Variants in TBCB observed in about 807,000 individuals in gnomAD.
TBCB encodes tubulin-folding cofactor B.
TBCB carries 18 observed loss-of-function variants against 29.2 expected under a neutral mutation model. That is an observed-to-expected ratio of 0.62 (90% CI 0.43 to 0.91). The LOEUF (loss-of-function observed/expected upper bound fraction) is 0.91. Ranked by LOEUF, TBCB falls within the 40% of genes least tolerant of loss-of-function variation. TBCB has a pLI of 0.00. For synonymous variants in TBCB, 172 were observed against 137.8 expected (o/e 1.25, Z -1.74); for missense variants, 336 against 337.6 (o/e 1.00, Z 0.04).
intron 2 of TBCB, among the ~76,000 whole-genome samples, chr19:36,118,891 G>C (rs1328317290): frequency 1.3e-5 from 2 of 152,102 alleles, no homozygotes; most frequent in Non-Finnish European, 2.9e-5. Flanking sequence ...GGAACAGGTG[G>C]TGGAGGACAG....
chr19:36,120,815 A>C lies in TBCB; in HGVS notation c.355+9A>C. 1 of 1,613,804 alleles carries C rather than the reference A, an allele frequency of 6.2e-7. No homozygotes were observed. The highest frequency in any genetic ancestry group is 8.5e-7 in the Non-Finnish European group (1 of 1,179,874). On this transcript the variant is annotated intron_variant, in intron 3 of 5. Transcript: ENST00000221855. ...CTACGACCAGAGGCAAGGTACGGGC[A>C]GGTGGGCGTCGAGGGGTGCGTGGGG...
upstream of TBCB, chr19:36,114,971 ACG>A: frequency 9.1e-7 from 1 of 1,094,582 alleles, no homozygotes; most frequent in Non-Finnish European, 1.3e-6. This position sits in a 1 kb window ranked among gnomAD's most constrained non-coding sequence, Gnocchi z 4.5. Context: ...AGCTGCGCAC[ACG>A]TGCTGGCTCC....
chr19:36,125,596 G>C, intron 5 of TBCB, 72 bp from the exon 6 acceptor site: 1 of 1,610,140 alleles, frequency 6.2e-7, no homozygotes, highest in Non-Finnish European at 8.5e-7. Flanking sequence ...TTGCTGAGCT[G>C]CCCATGCCAG....
Position 36,121,549 on chromosome 19 carries a change from G to C in TBCB, c.378G>C (p.Lys126Asn). Residue 126 changes from lysine to asparagine, a missense_variant, in exon 4 of 6, where the codon AAG becomes AAC. Coordinates refer to ENST00000221855, the MANE Select transcript of TBCB (RefSeq NM_001281.3). Reference protein sequence around the residue: ...QRQDTVRSFLKRSKLGRYNEE... With the variant: ...QRQDTVRSFLNRSKLGRYNEE... Reference sequence around the variant, plus strand: ...CAGACACGGTCCGCTCTTTCCTGAAGCGCAGCAAGCTCGGCCGGTACAACG... The same window carrying C: ...CAGACACGGTCCGCTCTTTCCTGAACCGCAGCAAGCTCGGCCGGTACAACG... The C allele has an allele frequency of 1.9e-6, 3 of 1,560,608 alleles. No homozygotes were observed. Among genetic ancestry groups the C allele is most frequent in the Non-Finnish European group, 2.6e-6 (3 of 1,154,474 alleles).
intron 2 of TBCB, among the ~76,000 whole-genome samples, chr19:36,117,252 T>G (rs188936111): frequency 1.5e-3 from 228 of 152,330 alleles, no homozygotes; most frequent in African/African-American, 5.3e-3. Context: ...TCGAGTGCCC[T>G]GAGGGTGGAA....
chr19:36,115,257 A>G, upstream of TBCB: 2 of 520,820 alleles, frequency 3.8e-6, no homozygotes, highest in South Asian at 2.6e-5. Context: ...TGCCACTCCT[A>G]CCTCCGGGCT....
intron 4 of TBCB, among the ~76,000 whole-genome samples, chr19:36,123,926 C>T (rs1974097821): frequency 1.3e-5 from 2 of 152,126 alleles, no homozygotes; most frequent in South Asian, 4.1e-4. Flanking sequence ...TTTCTCTGTG[C>T]CTAGGAGTGG....
chr19:36,120,749 G>T lies in TBCB; in HGVS notation c.298G>T (p.Asp100Tyr). 1 of 1,614,066 alleles carries T rather than the reference G, an allele frequency of 6.2e-7. No homozygotes were observed. Among genetic ancestry groups the T allele is most frequent in the Non-Finnish European group, 8.5e-7 (1 of 1,180,016 alleles). The change falls in exon 3 of 6, where the codon GAC (aspartate) becomes TAC (tyrosine). Residue 100 changes from aspartate (D) to tyrosine (Y), a missense_variant. Coordinates refer to ENST00000221855, the MANE Select transcript of TBCB (RefSeq NM_001281.3). ...TGGCGCCCGCCTTGGTGAGTATGAG[G>T]ACGTGTCCCGGGTGGAGAAGTACAC... ...HSGARLGEYE[D>Y]VSRVEKYTIS...
In TBCB at chr19:36,115,663, G is replaced by T; in HGVS notation, c.103G>T (p.Ala35Ser). ...GCGATACAGCCGCAGCCTCACCATC[G>T]CTGAGTTCAAGGTGTGGCCATGGGG... ...EKRYSRSLTI[A>S]EFKCKLELLV... Residue 35 changes from alanine (A) to serine (S), a missense_variant, in exon 1 of 6, where the codon GCT (alanine) becomes TCT (serine). Physicochemically the swap from Ala to Ser is moderately conservative, Grantham distance 99. Coordinates refer to ENST00000221855, the MANE Select transcript of TBCB (RefSeq NM_001281.3). The T allele has an allele frequency of 6.2e-7, 1 of 1,601,706 alleles. No homozygotes were observed.
At position 36,120,781 on chromosome 19, in the gene TBCB, A is replaced by G. The variant is rs1269199950; in HGVS notation, c.330A>G (p.Ser110=). The G allele has an allele frequency of 1.2e-6, 2 of 1,611,368 alleles. No individual in the cohort carries two copies. Among genetic ancestry groups the G allele is most frequent in the East Asian group, 4.5e-5 (2 of 44,806 alleles). The change falls in exon 3 of 6, where the codon TCA becomes TCG. Residue 110 remains serine, a synonymous_variant. Transcript: ENST00000221855. ...CCCGGGTGGAGAAGTACACGATCTC[A>G]CAAGAAGCCTACGACCAGAGGCAAG... ...DVSRVEKYTI[S]QEAYDQRQDT...
At chr19:36,120,319 A>G (rs1256653381) in intron 2 of TBCB, among the ~76,000 whole-genome samples, 1 of 152,130 alleles carries the variant, frequency 6.6e-6, no homozygotes, top group Non-Finnish European at 1.5e-5. Flanking sequence ...ACAGGAAGAG[A>G]TGCTCTGGGG....
At position 36,116,040 on chromosome 19, in the gene TBCB, G is replaced by C; in HGVS notation, c.115-1G>C. The C allele has an allele frequency of 6.2e-7, 1 of 1,613,876 alleles. No individual in the cohort carries two copies. Among genetic ancestry groups the C allele is most frequent in the Non-Finnish European group, 8.5e-7 (1 of 1,179,766 alleles). On this transcript the variant is annotated splice_acceptor_variant, in intron 1 of 5. Coordinates refer to ENST00000221855, the MANE Select transcript of TBCB (RefSeq NM_001281.3). LOFTEE classifies it high-confidence loss of function. ...CTTCTCACCCTGCCTCCTCCTCACA[G>C]TGTAAACTGGAGTTGCTGGTGGGCA...
chr19:36,125,303 A>G, intron 4 of TBCB, 148 bp from the exon 5 acceptor site: 1 of 815,564 alleles, frequency 1.2e-6, no homozygotes, highest in Non-Finnish European at 2.0e-6. Context: ...AGGTGGTCCT[A>G]GTGGTAGCAA....
intron 2 of TBCB, among the ~76,000 whole-genome samples, chr19:36,120,012 G>A (rs937685267): frequency 9.9e-5 from 15 of 151,814 alleles, no homozygotes; most frequent in Non-Finnish European, 1.9e-4. Context: ...TTCTACCTCT[G>A]GCCGTCTGCA....
chr19:36,118,792 C>G (rs1429524001), intron 2 of TBCB: 1 of 151,960 alleles, frequency 6.6e-6, no homozygotes, highest in Non-Finnish European at 1.5e-5. Flanking sequence ...GGGATTAAGA[C>G]AGGCCACTTC....
Position 36,120,873 on chromosome 19 carries a change from G to A in TBCB, c.355+67G>A, listed in dbSNP as rs1974036280. On this transcript the variant is annotated intron_variant, in intron 3 of 5. Coordinates refer to ENST00000221855, the MANE Select transcript of TBCB (RefSeq NM_001281.3). ...GGAGTATGTGCAGGTATGAGGGCGG[G>A]CAGGTTAGACAGGGCCCCTGCAGGG... 2.6e-6 allele frequency: 4 copies of A among 1,525,732 alleles called. No homozygotes were observed. In the Admixed American group the frequency reaches 5.3e-5, roughly 20 times the overall value. The allele number at this position is 1,525,732 out of a possible 1,614,324, so 94.5% of individuals were successfully genotyped here. A position where few individuals can be genotyped will look rare whatever the true frequency, so the allele number is the denominator to read the frequency against.
chr19:36,123,079 A>C (rs909966273), intron 4 of TBCB, among the ~76,000 whole-genome samples: 1 of 152,080 alleles, frequency 6.6e-6, no homozygotes. Flanking sequence ...GGCGCCTTCC[A>C]CTGAGCAGAA....
rs370183718 is a variant in TBCB at position 36,125,677 on chromosome 19, G to A, written c.630G>A (p.Gly210=). 1.9e-5 allele frequency: 30 copies of A among 1,581,076 alleles called. No homozygotes were observed. The African/African-American group carries it at 3.9e-4, about 21-fold the overall frequency. ...CTATCCTTTCCTGCAGTGTGAATGG[G>A]AAACGCTACTTCGAATGCCAGGCCA... ...PLGKNDGSVN[G]KRYFECQAKY... Residue 210 remains glycine, a synonymous_variant, in exon 6 of 6, where the codon GGG becomes GGA. Transcript: ENST00000221855.
chr19:36,116,245 C>CA, intron 2 of TBCB, 61 bp downstream of exon 2: 1 of 1,592,340 alleles, frequency 6.3e-7, no homozygotes, highest in Non-Finnish European at 8.6e-7. Flanking sequence ...ATTCAACAGA[C>CA]ACTTGCTGGG....
Sources: gnomAD v4.1 joint callset for allele counts (sites outside exome capture counted in the v4.1 genomes callset) on GRCh38, gnomAD v4.1.1 for gene constraint, Gnocchi (gnomAD v3.1) non-coding constraint, MANE v1.5 for transcripts, NCBI Gene and HGNC (gene_info 2026-07-23, HGNC 2026-07-21) for gene names.